AGBL4: variants seen among roughly 807,000 people sequenced by gnomAD.
AGBL4 encodes cytosolic carboxypeptidase 6.
AGBL4 carries 58 observed loss-of-function variants against 66.4 expected under a neutral mutation model. The observed-to-expected ratio is 0.87, with a 90% CI of 0.71 to 1.09. The LOEUF (loss-of-function observed/expected upper bound fraction) is 1.09. Among genes scored for constraint, AGBL4 ranks in the 50% least tolerant of loss-of-function variants. The probability of loss-of-function intolerance (pLI) is 0.00; values close to 1 mark genes in which losing one functional copy is unlikely to be tolerated. For synonymous variants in AGBL4, 234 were observed against 222.9 expected (o/e 1.05, Z -0.44); for missense variants, 579 against 631.0 (o/e 0.92, Z 0.88).
At chr1:49,274,113 C>T (rs1415485666) in intron 3 of AGBL4, among the ~76,000 whole-genome samples, 1 of 152,140 alleles carries the variant, frequency 6.6e-6, no homozygotes, top group Non-Finnish European at 1.5e-5. Flanking sequence ...AAAGTTGTTG[C>T]TGTTTAAAAT....
At chr1:49,730,182 G>T (rs1158668561) in intron 2 of AGBL4, among the ~76,000 whole-genome samples, 1 of 152,052 alleles carries the variant, frequency 6.6e-6, no homozygotes, top group Non-Finnish European at 1.5e-5. Flanking sequence ...GTTGTCGAGA[G>T]CTTTCCTGTC....
chr1:48,679,202 T>C (rs999256167), intron 6 of AGBL4, among the ~76,000 whole-genome samples: 1 of 152,172 alleles, frequency 6.6e-6, no homozygotes, highest in Non-Finnish European at 1.5e-5. Context: ...GTGGAAAGAA[T>C]GTAAGAGAAT....
At chr1:49,062,512 A>T (rs1025977636) in intron 4 of AGBL4, among the ~76,000 whole-genome samples, 1 of 152,228 alleles carries the variant, frequency 6.6e-6, no homozygotes, top group African/African-American at 2.4e-5. Flanking sequence ...ATTTGAATTC[A>T]TTGAATTAAT....
chr1:49,797,473 G>A (rs185629570), intron 2 of AGBL4, among the ~76,000 whole-genome samples: 35 of 152,202 alleles, frequency 2.3e-4, no homozygotes, highest in Non-Finnish European at 4.3e-4. Context: ...TTGCTCTGTC[G>A]CCCAGGCTAG....
intron 3 of AGBL4, among the ~76,000 whole-genome samples, chr1:49,479,850 G>A (rs12084720): frequency 6.6e-6 from 1 of 151,600 alleles, no homozygotes; most frequent in Non-Finnish European, 1.5e-5. Flanking sequence ...TGGGACTACA[G>A]GCGCCCGCCA....
intron 3 of AGBL4, among the ~76,000 whole-genome samples, chr1:49,388,605 T>C (rs961051909): frequency 1.3e-5 from 2 of 152,180 alleles, no homozygotes; most frequent in African/African-American, 4.8e-5. Context: ...TGATTCTTGA[T>C]TAAATATGCT....
intron 2 of AGBL4, among the ~76,000 whole-genome samples, chr1:49,743,932 A>G (rs569537621): frequency 7.4e-4 from 112 of 150,704 alleles, no homozygotes; most frequent in African/African-American, 2.6e-3. Flanking sequence ...GAGGGATAGC[A>G]TTAGGAGATA....
intron 11 of AGBL4, among the ~76,000 whole-genome samples, chr1:48,572,347 T>A (rs1644578982): frequency 6.6e-6 from 1 of 152,034 alleles, no homozygotes; most frequent in South Asian, 2.1e-4. Flanking sequence ...GAGTTTCTGA[T>A]ACTAAATATG....
At chr1:49,891,505 A>AT (rs1398388378) in intron 1 of AGBL4, among the ~76,000 whole-genome samples, 1 of 152,176 alleles carries the variant, frequency 6.6e-6, no homozygotes, top group Non-Finnish European at 1.5e-5. Flanking sequence ...ATGCACAGAA[A>AT]TAACCCCACA....
intron 3 of AGBL4, among the ~76,000 whole-genome samples, chr1:49,368,744 G>A (rs1300633292): frequency 2.0e-5 from 3 of 152,080 alleles, no homozygotes; most frequent in Non-Finnish European, 2.9e-5. Context: ...TATTTTCACA[G>A]GTAGTATTAT....
intron 5 of AGBL4, among the ~76,000 whole-genome samples, chr1:48,954,630 C>T (rs2148931589): frequency 6.6e-6 from 1 of 152,264 alleles, no homozygotes. Context: ...TGTTTCTAAG[C>T]CATTGCTCTA....
chr1:48,572,719 C>A (rs1218143578), intron 11 of AGBL4, among the ~76,000 whole-genome samples: 1 of 152,120 alleles, frequency 6.6e-6, no homozygotes, highest in Admixed American at 6.5e-5. Context: ...TCCAGCCCCA[C>A]AAAGATAGCT....
rs563514428 is a variant in AGBL4 at position 49,696,918 on chromosome 1, C to T, written c.282+395G>A. ...TCTGTTGTACAGAAGAAAAGCTTCT[C>T]TTTTGAAACTGAGACTTGTGAGAAA... On this transcript the variant is annotated intron_variant, in intron 3 of 13. Coordinates refer to ENST00000371839, the MANE Select transcript of AGBL4 (RefSeq NM_032785.4). Among the ~76,000 whole-genome samples, 7 of 152,230 alleles carry T rather than the reference C, an allele frequency of 4.6e-5. No individual in the cohort carries two copies. In the East Asian group the frequency reaches 1.2e-3, roughly 25 times the overall value.
At chr1:49,240,141 CATT>C (rs1651105244) in intron 4 of AGBL4, among the ~76,000 whole-genome samples, 1 of 152,060 alleles carries the variant, frequency 6.6e-6, no homozygotes, top group South Asian at 2.1e-4. Context: ...CGAGGCTAAA[CATT>C]ACTACATTAA....
chr1:49,245,863 C>T lies in AGBL4; in HGVS notation c.284G>A (p.Arg95Lys), dbSNP rs941196651. ...FTVENVKESQ[R>K]VIFNIVNFSK... ...GAAGTTAACAATGTTGAAAATGACCCTCTGAAAAAGAAAGAGGGAGAAGTT... is the reference window on the plus strand; with the variant it reads ...GAAGTTAACAATGTTGAAAATGACCTTCTGAAAAAGAAAGAGGGAGAAGTT... Residue 95 changes from arginine (R) to lysine (K), a missense_variant and splice_region_variant, in exon 4 of 14, where the codon AGG (arginine) becomes AAG (lysine). Physicochemically the swap from Arg to Lys is conservative, Grantham distance 26 (BLOSUM62 2). Transcript: ENST00000371839. The T allele has an allele frequency of 3.2e-6, 5 of 1,545,852 alleles. No homozygotes were observed. Among genetic ancestry groups the T allele is most frequent in the Non-Finnish European group, 4.4e-6 (5 of 1,142,576 alleles).
intron 1 of AGBL4, among the ~76,000 whole-genome samples, chr1:50,002,471 G>T (rs1288015770): frequency 6.9e-6 from 1 of 144,058 alleles, no homozygotes; most frequent in African/African-American, 2.6e-5. Context: ...CCGGGTTCAC[G>T]CCATTCACCT....
intron 8 of AGBL4, among the ~76,000 whole-genome samples, chr1:48,643,569 A>T (rs1034243145): frequency 6.6e-6 from 1 of 152,132 alleles, no homozygotes; most frequent in African/African-American, 2.4e-5. Context: ...CCTCTCTTTG[A>T]GTGTCAGTTT....
At chr1:49,637,083 T>G (rs1302130230) in intron 3 of AGBL4, among the ~76,000 whole-genome samples, 1 of 152,176 alleles carries the variant, frequency 6.6e-6, no homozygotes, top group Non-Finnish European at 1.5e-5. Flanking sequence ...GGATGCTTCC[T>G]GCCCTTGAAC....
Position 49,819,441 on chromosome 1 carries a change from AG to A in AGBL4, c.157+31954del, listed in dbSNP as rs1358527518. Among the ~76,000 whole-genome samples, 4 of 152,202 alleles carry A rather than the reference AG, an allele frequency of 2.6e-5. No individual in the cohort carries two copies. In the East Asian group the frequency reaches 7.7e-4, roughly 29 times the overall value. ...GAAACAGAAATATTGTCAACTAAGC[AG>A]GACAAGGTTCATTATTCCATTTTAG... On this transcript the variant is annotated intron_variant, in intron 2 of 13. Transcript: ENST00000371839.
Sources: gnomAD v4.1 joint callset for allele counts (sites outside exome capture counted in the v4.1 genomes callset) on GRCh38, gnomAD v4.1.1 for gene constraint, MANE v1.5 for transcripts, NCBI Gene and HGNC (gene_info 2026-07-23, HGNC 2026-07-21) for gene names.